TCF4: variants seen among roughly 807,000 people sequenced by gnomAD.
TCF4 encodes the protein transcription factor 4, also known as SL3-3 enhancer factor 2.
A neutral mutation model predicts 82.1 loss-of-function variants in TCF4; 3 were observed. The ratio of observed to expected loss-of-function variants is 0.04; its 90% CI spans 0.02 to 0.09. The LOEUF (loss-of-function observed/expected upper bound fraction) is 0.09, where lower values mean the gene tolerates loss of function less well. TCF4 is among the 10% of genes least tolerant of loss of function. The pLI is 1.00. For missense variants in TCF4, 518 were observed against 852.7 expected (o/e 0.61, Z 4.89); for synonymous variants, 276 against 309.6 (o/e 0.89, Z 1.14).
chr18:55,441,434 T>G (rs1327690050), intron 5 of TCF4, among the ~76,000 whole-genome samples: 1 of 152,248 alleles, frequency 6.6e-6, no homozygotes, highest in Non-Finnish European at 1.5e-5. Context: ...CATACGCAGA[T>G]AAATCACATT....
intron 5 of TCF4, among the ~76,000 whole-genome samples, chr18:55,405,078 A>C (rs895010313): frequency 1.2e-4 from 19 of 152,264 alleles, no homozygotes; most frequent in African/African-American, 4.1e-4. Context: ...TTTGCACTGA[A>C]GAAAAGATAA....
chr18:55,345,308 A>C (rs570116008), intron 8 of TCF4, among the ~76,000 whole-genome samples: 5 of 149,524 alleles, frequency 3.3e-5, no homozygotes, highest in Admixed American at 6.7e-5. Flanking sequence ...AAAAAAAAAA[A>C]CGCACATGCT....
At chr18:55,350,435 C>T (rs1555917715) in intron 7 of TCF4, 27 bp from the exon 8 acceptor site, 1 of 1,612,614 alleles carries the variant, frequency 6.2e-7, no homozygotes, top group Non-Finnish European at 8.5e-7. Context: ...ATGCTTTCAG[C>T]TCCCAAATGC....
chr18:55,346,094 A>C (rs2081115849), intron 8 of TCF4, among the ~76,000 whole-genome samples: 1 of 152,176 alleles, frequency 6.6e-6, no homozygotes, highest in Non-Finnish European at 1.5e-5. Context: ...TCAAATAGGA[A>C]AGTTTTTATA....
intron 3 of TCF4, among the ~76,000 whole-genome samples, chr18:55,539,315 T>G (rs999339696): frequency 1.3e-5 from 2 of 152,184 alleles, no homozygotes; most frequent in Non-Finnish European, 2.9e-5. Context: ...CCAGAAAACA[T>G]GTCTGGCAAG....
At chr18:55,443,418 C>T (rs2095475286) in intron 5 of TCF4, among the ~76,000 whole-genome samples, 1 of 152,084 alleles carries the variant, frequency 6.6e-6, no homozygotes, top group African/African-American at 2.4e-5. Context: ...TAGTGTTAAC[C>T]CGAATTTTCA....
intron 2 of TCF4, among the ~76,000 whole-genome samples, chr18:55,612,317 G>C (rs2097707842): frequency 6.6e-6 from 1 of 152,078 alleles, no homozygotes. Context: ...GAGTGAGAAA[G>C]CAGGAATGGA....
intron 8 of TCF4, among the ~76,000 whole-genome samples, chr18:55,325,785 A>T (rs1023238504): frequency 6.6e-6 from 1 of 152,164 alleles, no homozygotes; most frequent in African/African-American, 2.4e-5. Flanking sequence ...AGCATGGCTG[A>T]ATTAGCTAAA....
chr18:55,514,196 G>A (rs781269376), intron 3 of TCF4, among the ~76,000 whole-genome samples: 35 of 152,028 alleles, frequency 2.3e-4, no homozygotes, highest in Non-Finnish European at 4.6e-4. Context: ...TCTCTGAAGA[G>A]AACCAAATTA....
At chr18:55,462,630 CT>C (rs772242307) in intron 4 of TCF4, among the ~76,000 whole-genome samples, 2 of 152,078 alleles carry the variant, frequency 1.3e-5, no homozygotes, top group African/African-American at 2.4e-5. Context: ...CTAAACAGAC[CT>C]TGTTTTCTGA....
intron 6 of TCF4, among the ~76,000 whole-genome samples, chr18:55,373,166 A>G (rs1182331597): frequency 2.0e-5 from 3 of 152,040 alleles, no homozygotes; most frequent in East Asian, 3.9e-4. Context: ...ATCAAAAATA[A>G]AACACAGAGA....
intron 8 of TCF4, 91 bp downstream of exon 8, chr18:55,350,268 G>GA (rs2082057710): frequency 1.5e-6 from 2 of 1,334,182 alleles, no homozygotes; most frequent in Admixed American, 3.4e-5. Context: ...TGCTCTGGGC[G>GA]CATGGAAACT....
intron 5 of TCF4, among the ~76,000 whole-genome samples, chr18:55,457,653 GT>G (rs1379577796): frequency 6.6e-6 from 1 of 151,988 alleles, no homozygotes; most frequent in Non-Finnish European, 1.5e-5. Flanking sequence ...GCCTGGCTAA[GT>G]TTTTGTATTT....
intron 17 of TCF4, 77 bp from the exon 18 acceptor site, chr18:55,229,153 C>T: frequency 1.3e-6 from 2 of 1,533,654 alleles, no homozygotes; most frequent in Non-Finnish European, 1.8e-6. Context: ...TGTTTTCTTC[C>T]AGAGTTTTCA....
intron 8 of TCF4, among the ~76,000 whole-genome samples, chr18:55,330,722 C>T (rs1191989482): frequency 6.6e-6 from 1 of 151,770 alleles, no homozygotes; most frequent in Non-Finnish European, 1.5e-5. Flanking sequence ...TGCACCACTA[C>T]CACGCCTGGC....
chr18:55,492,058 G>A (rs991804198), intron 3 of TCF4: 5 of 152,104 alleles, frequency 3.3e-5, no homozygotes, highest in African/African-American at 1.2e-4. Context: ...TATTATACTT[G>A]AGAAATCAAT....
chr18:55,602,335 C>T (rs1343569497), intron 2 of TCF4, among the ~76,000 whole-genome samples: 1 of 152,230 alleles, frequency 6.6e-6, no homozygotes, highest in Non-Finnish European at 1.5e-5. Flanking sequence ...CCTCAACTCT[C>T]CTGCCCTTGG....
At chr18:55,619,611 A>T (rs2097715654) in intron 2 of TCF4, among the ~76,000 whole-genome samples, 1 of 152,184 alleles carries the variant, frequency 6.6e-6, no homozygotes, top group Non-Finnish European at 1.5e-5. Flanking sequence ...CTTTTAGAAG[A>T]AATGGGATAT....
intron 6 of TCF4, chr18:55,351,466 TA>T: frequency 6.1e-6 from 1 of 162,966 alleles, no homozygotes; most frequent in Non-Finnish European, 1.3e-5. Context: ...TGCCTCTCTG[TA>T]CCGCATATCA....
Sources: allele counts gnomAD v4.1 joint callset (sites outside exome capture counted in the v4.1 genomes callset), GRCh38; gene constraint gnomAD v4.1.1; transcripts MANE v1.5; gene names NCBI Gene and HGNC (gene_info 2026-07-23, HGNC 2026-07-21).